Variants in GOLGA4 observed in about 807,000 individuals in gnomAD.
The protein encoded by GOLGA4 is golgin subfamily A member 4.
In GOLGA4, 169 loss-of-function variants were observed where a neutral mutation model predicts 265.9. That is an observed-to-expected ratio of 0.64 (90% CI 0.56 to 0.72). GOLGA4 has a LOEUF of 0.72. Ranked by LOEUF, GOLGA4 falls within the 30% of genes least tolerant of loss-of-function variation. The pLI is 0.00. For missense variants in GOLGA4, 2,482 were observed against 2,483.4 expected (o/e 1.00, Z 0.01); for synonymous variants, 923 against 855.8 (o/e 1.08, Z -1.37).
At chr3:37,347,535 A>G (rs1282591832) in intron 21 of GOLGA4, among the ~76,000 whole-genome samples, 1 of 152,198 alleles carries the variant, frequency 6.6e-6, no homozygotes, top group Non-Finnish European at 1.5e-5. Flanking sequence ...ACTGAACGCT[A>G]AACATTAAAA....
chr3:37,299,560 T>C (rs1174898475), intron 9 of GOLGA4, among the ~76,000 whole-genome samples, 189 bp downstream of exon 9: 1 of 152,248 alleles, frequency 6.6e-6, no homozygotes. Context: ...AAACTGATTC[T>C]CTGATTTCTT....
intron 12 of GOLGA4, 31 bp downstream of exon 12, chr3:37,319,225 G>C: frequency 6.5e-7 from 1 of 1,546,888 alleles, no homozygotes; most frequent in Non-Finnish European, 8.8e-7. Flanking sequence ...TTCTGCTATA[G>C]GTATACTTCT....
intron 2 of GOLGA4, among the ~76,000 whole-genome samples, chr3:37,260,946 T>C (rs2096768115): frequency 6.6e-6 from 1 of 150,942 alleles, no homozygotes; most frequent in South Asian, 2.1e-4. Context: ...GCAGGAGGAA[T>C]GCTTGAACCC....
rs751714809 is a variant in GOLGA4 at position 37,347,220 on chromosome 3, C to T, written c.6500C>T (p.Ser2167Leu). ...KGGNLYHTDV[S>L]LFGEPTEFEY... ...GGCAATTTGTACCATACGGATGTCT[C>T]ACTCTTTGGAGAACCTACCGAATTT... Residue 2167 changes from serine to leucine, a missense_variant, in exon 21 of 24, where the codon TCA (serine) becomes TTA (leucine). Coordinates refer to ENST00000361924, the MANE Select transcript of GOLGA4 (RefSeq NM_002078.5). The T allele has an allele frequency of 2.5e-5, 41 of 1,612,146 alleles. No individual in the cohort carries two copies. Among genetic ancestry groups the T allele is most frequent in the Non-Finnish European group, 2.3e-5 (27 of 1,178,704 alleles).
chr3:37,321,581 G>A (rs7624938), intron 12 of GOLGA4, 150 bp from the exon 13 acceptor site: 1 of 661,348 alleles, frequency 1.5e-6, no homozygotes, highest in South Asian at 2.5e-5. Flanking sequence ...TGTTTCTGCA[G>A]ACTAGAGCAT....
Position 37,251,625 on chromosome 3 carries a change from CTTTTTTTT to C in GOLGA4, c.162+150_162+157del, listed in dbSNP as rs112817114. 4 of 476,998 alleles carry C rather than the reference CTTTTTTTT, an allele frequency of 8.4e-6. No individual in the cohort carries two copies. In the African/African-American group the frequency reaches 8.7e-5, roughly 10 times the overall value. 29.5% of individuals were successfully genotyped at this position (476,998 alleles called of 1,614,324 possible). ...AGTTTTTATTAGTAACACAATTGGT[CTTTTTTTT>C]TTTTTTTTCACAAATAGCAGTTATG... On this transcript the variant is annotated intron_variant, in intron 2 of 23. Transcript: ENST00000361924.
intron 21 of GOLGA4, among the ~76,000 whole-genome samples, chr3:37,348,734 T>C (rs2097064083): frequency 6.6e-6 from 1 of 152,184 alleles, no homozygotes; most frequent in Non-Finnish European, 1.5e-5. Flanking sequence ...CTAAATAATT[T>C]ATTTAGCTTT....
At chr3:37,260,337 A>T (rs190255282) in intron 2 of GOLGA4, among the ~76,000 whole-genome samples, 307 of 152,210 alleles carry the variant, frequency 2.0e-3, no homozygotes, top group African/African-American at 7.1e-3. Flanking sequence ...AAACAGGGCC[A>T]TCTGCCAGGT....
At chr3:37,275,828 A>G (rs1189330903) in intron 2 of GOLGA4, 14 of 1,613,676 alleles carry the variant, frequency 8.7e-6, no homozygotes, top group Non-Finnish European at 1.2e-5. Flanking sequence ...GTCCACAAGA[A>G]TCGGAATGTC....
intron 9 of GOLGA4, among the ~76,000 whole-genome samples, chr3:37,299,949 G>GCT (rs2096888537): frequency 6.6e-6 from 1 of 152,040 alleles, no homozygotes; most frequent in South Asian, 2.1e-4. Flanking sequence ...TACTCGGGAG[G>GCT]CTGAGGCAGG....
At chr3:37,309,814 A>G (rs917792474) in intron 10 of GOLGA4, among the ~76,000 whole-genome samples, 1 of 152,232 alleles carries the variant, frequency 6.6e-6, no homozygotes, top group African/African-American at 2.4e-5. Flanking sequence ...CTACTCTTAC[A>G]TAGACACGTA....
intron 9 of GOLGA4, among the ~76,000 whole-genome samples, chr3:37,299,885 AC>A (rs1289787062): frequency 6.7e-6 from 1 of 148,316 alleles, no homozygotes; most frequent in Non-Finnish European, 1.5e-5. Context: ...CCTCCTCTCT[AC>A]AAAAAAAAAA....
At chr3:37,246,828 C>G (rs1351079910) in intron 1 of GOLGA4, among the ~76,000 whole-genome samples, 2 of 152,124 alleles carry the variant, frequency 1.3e-5, no homozygotes, top group Non-Finnish European at 2.9e-5. Context: ...GCAGAATCAT[C>G]CCTTATTTTT....
chr3:37,270,163 G>C (rs2096794596), intron 2 of GOLGA4, among the ~76,000 whole-genome samples: 1 of 148,920 alleles, frequency 6.7e-6, no homozygotes. Context: ...CAAAGTGTTG[G>C]GTTTATAGGC....
At chr3:37,291,084 T>C (rs891373507) in intron 5 of GOLGA4, among the ~76,000 whole-genome samples, 1 of 152,160 alleles carries the variant, frequency 6.6e-6, no homozygotes, top group Admixed American at 6.5e-5. Flanking sequence ...TGATTAGATA[T>C]ACATAGTAAT....
At chr3:37,293,540 T>G (rs944787324) in intron 5 of GOLGA4, among the ~76,000 whole-genome samples, 17 of 152,208 alleles carry the variant, frequency 1.1e-4, no homozygotes, top group Non-Finnish European at 1.6e-4. Context: ...AAGTAAAATG[T>G]GACTTTGAAT....
At chr3:37,328,266 A>ACACACT (rs1326253456) in intron 14 of GOLGA4, 150 bp from the exon 15 acceptor site, 6 of 678,208 alleles carry the variant, frequency 8.8e-6, no homozygotes, top group South Asian at 7.3e-5. Flanking sequence ...ACACACACAC[A>ACACACT]CACTCACTCT....
intron 2 of GOLGA4, among the ~76,000 whole-genome samples, chr3:37,268,719 G>A (rs774615564): frequency 7.2e-5 from 11 of 152,010 alleles, no homozygotes; most frequent in Non-Finnish European, 1.2e-4. Context: ...CCACAGATGC[G>A]CACCACCATA....
At chr3:37,297,221 A>G (rs760914306) in intron 7 of GOLGA4, among the ~76,000 whole-genome samples, 23 of 152,166 alleles carry the variant, frequency 1.5e-4, no homozygotes, top group Non-Finnish European at 2.8e-4. Flanking sequence ...CCCGTCTTTT[A>G]TTTCCTAGCT....
Sources: gnomAD v4.1 joint callset for allele counts (sites outside exome capture counted in the v4.1 genomes callset) on GRCh38, gnomAD v4.1.1 for gene constraint, MANE v1.5 for transcripts, NCBI Gene and HGNC (gene_info 2026-07-23, HGNC 2026-07-21) for gene names.